BLOC1S3: variants seen among roughly 807,000 people sequenced by gnomAD.
BLOC1S3 encodes biogenesis of lysosomal organelles complex 1 subunit 3, also known as biogenesis of lysosome-related organelles complex 1 subunit 3.
Under a neutral mutation model 9.1 loss-of-function variants are expected in BLOC1S3, and 7 were observed. That is an observed-to-expected ratio of 0.77 (90% CI 0.44 to 1.45). The LOEUF is 1.45. BLOC1S3 is among the 40% of genes most tolerant of loss of function. The probability of loss-of-function intolerance (pLI) is 0.01; values close to 1 mark genes in which losing one functional copy is unlikely to be tolerated. For synonymous variants in BLOC1S3, 145 were observed against 158.4 expected (o/e 0.92, Z 0.64); for missense variants, 307 against 315.2 (o/e 0.97, Z 0.20).
chr19:45,196,930 T>C (rs1309644238), intron 2 of BLOC1S3, among the ~76,000 whole-genome samples: 2 of 146,202 alleles, frequency 1.4e-5, no homozygotes, highest in Non-Finnish European at 3.0e-5. Context: ...TAGGAAAGTG[T>C]CTGAGAGAGA....
chr19:45,201,706 C>T (rs542613146), intron 2 of BLOC1S3, among the ~76,000 whole-genome samples: 1 of 152,298 alleles, frequency 6.6e-6, no homozygotes, highest in East Asian at 1.9e-4. Flanking sequence ...GTCTTTCCTA[C>T]TTGATATGGT....
intron 3 of BLOC1S3, among the ~76,000 whole-genome samples, chr19:45,209,280 C>T (rs1268623572): frequency 6.6e-6 from 1 of 152,132 alleles, no homozygotes; most frequent in South Asian, 2.1e-4. Context: ...AACTCCTGAC[C>T]TCAAGTGATC....
chr19:45,190,613 G>C (rs1306697668), intron 2 of BLOC1S3, among the ~76,000 whole-genome samples: 1 of 151,068 alleles, frequency 6.6e-6, no homozygotes, highest in Non-Finnish European at 1.5e-5. Flanking sequence ...TGTTGCCCAG[G>C]CTGGTCTCGA....
At chr19:45,182,380 T>TA (rs1289931621), downstream of BLOC1S3, among the ~76,000 whole-genome samples, 4 of 149,326 alleles carry the variant, frequency 2.7e-5, no homozygotes, top group Admixed American at 2.7e-4. Flanking sequence ...GTCTCAAAAA[T>TA]AAATAGGCCA....
At chr19:45,214,966 G>A (rs1969817991) in intron 3 of BLOC1S3, among the ~76,000 whole-genome samples, 1 of 151,910 alleles carries the variant, frequency 6.6e-6, no homozygotes, top group Non-Finnish European at 1.5e-5. Context: ...GACCAGTGTG[G>A]TCAACTTGGT....
At chr19:45,190,763 T>C (rs1380466227) in intron 2 of BLOC1S3, among the ~76,000 whole-genome samples, 1 of 138,400 alleles carries the variant, frequency 7.2e-6, no homozygotes, top group Non-Finnish European at 1.6e-5. Context: ...CTATGATTGG[T>C]CACTGATGCT....
At chr19:45,192,238 C>T (rs570833120) in intron 2 of BLOC1S3, among the ~76,000 whole-genome samples, 2 of 152,278 alleles carry the variant, frequency 1.3e-5, no homozygotes, top group Non-Finnish European at 1.5e-5. Flanking sequence ...TGGCTACTGC[C>T]GGTGTTCATT....
At chr19:45,216,322 TC>T in intron 3 of BLOC1S3, 1 of 1,330,846 alleles carries the variant, frequency 7.5e-7, no homozygotes, top group Non-Finnish European at 1.0e-6. Context: ...AAGCCTGTAA[TC>T]CCAGCACTTT....
At chr19:45,209,807 C>T (rs1021647642) in intron 3 of BLOC1S3, among the ~76,000 whole-genome samples, 3 of 152,258 alleles carry the variant, frequency 2.0e-5, no homozygotes, top group Admixed American at 6.5e-5. Context: ...TCTTTGCTCA[C>T]CGCAACCTCT....
chr19:45,216,849 T>G (rs1969840588), exon 4 of BLOC1S3: 1 of 152,064 alleles, frequency 6.6e-6, no homozygotes, highest in Non-Finnish European at 1.5e-5. Context: ...AAGAAAACAT[T>G]CCAAGGACTC....
At chr19:45,195,795 A>G (rs542748623) in intron 2 of BLOC1S3, among the ~76,000 whole-genome samples, 1 of 152,066 alleles carries the variant, frequency 6.6e-6, no homozygotes, top group African/African-American at 2.4e-5. Flanking sequence ...AGGTTTCACC[A>G]TGTTGGCCAG....
At chr19:45,213,285 G>C (rs375095520) in intron 3 of BLOC1S3, 25 of 1,613,648 alleles carry the variant, frequency 1.5e-5, no homozygotes, top group Admixed American at 3.3e-5. Context: ...CCCGGGCCAC[G>C]GCCAGGATCT....
At chr19:45,198,352 T>C (rs895837000) in intron 2 of BLOC1S3, among the ~76,000 whole-genome samples, 3 of 152,162 alleles carry the variant, frequency 2.0e-5, no homozygotes, top group African/African-American at 4.8e-5. Context: ...AGTGCAGTGG[T>C]GCGAGCTCGG....
chr19:45,206,449 A>ATTTTTTTTTTTTTTTTT (rs1401665312), intron 3 of BLOC1S3, among the ~76,000 whole-genome samples: 20 of 48,588 alleles, frequency 4.1e-4, no homozygotes, highest in Non-Finnish European at 6.0e-4. Context: ...GGATTAATCA[A>ATTTTTTTTTTTTTTTTT]GTTTTTTTTT....
At chr19:45,185,940 C>T (rs564442756), downstream of BLOC1S3, among the ~76,000 whole-genome samples, 32 of 151,882 alleles carry the variant, frequency 2.1e-4, no homozygotes, top group South Asian at 5.8e-3. Context: ...GTGAAACCCC[C>T]GTCTCTACTG....
Position 45,213,086 on chromosome 19 carries a change from G to C in BLOC1S3, n.283-3590G>C, listed in dbSNP as rs1170265573. On this transcript the variant is annotated intron_variant and non_coding_transcript_variant, in intron 3 of 3. Coordinates refer to the BLOC1S3 transcript ENST00000591569. ...GGTGACCCTCAGCGCTGGGCCCGAG[G>C]TCGCGCTAGAGACGGAGGCCGGGGC... The C allele has an allele frequency of 3.3e-6, 5 of 1,510,270 alleles. No individual in the cohort carries two copies. The highest frequency in any genetic ancestry group is 4.4e-6 in the Non-Finnish European group (5 of 1,134,724). The allele number at this position is 1,510,270 out of a possible 1,614,324, so 93.6% of individuals were successfully genotyped here.
rs1004026868 is a variant in BLOC1S3 at position 45,209,657 on chromosome 19, G to A, written n.283-7019G>A. Among the ~76,000 whole-genome samples, 10 of 151,980 alleles carry A rather than the reference G, an allele frequency of 6.6e-5. 1 individual carries two copies. The highest frequency in any genetic ancestry group is 3.9e-4 in the East Asian group (2 of 5,136). On this transcript the variant is annotated intron_variant and non_coding_transcript_variant, in intron 3 of 3. Coordinates refer to the BLOC1S3 transcript ENST00000591569. ...AGGATGGTCTCGATCTCCTGATCTCGTGATCCGCCCGCCTCGGCCTCCCAA... is the reference window on the plus strand; with the variant it reads ...AGGATGGTCTCGATCTCCTGATCTCATGATCCGCCCGCCTCGGCCTCCCAA...
Position 45,179,788 on chromosome 19 carries a change from C to T in BLOC1S3, c.492C>T (p.Arg164=), listed in dbSNP as rs1214396570. The change falls in exon 2 of 2, where the codon CGC becomes CGT. Residue 164 remains arginine (R), a synonymous_variant. Coordinates refer to ENST00000433642, the MANE Select transcript of BLOC1S3 (RefSeq NM_212550.5). This position sits in a 1 kb window ranked among gnomAD's most constrained non-coding sequence, Gnocchi z 4.6. ...LAAAHSVRLA[R]GDLCALAERL... is the part of the protein sequence containing the mutation. ...CGGCCCACAGCGTGCGCCTGGCGCG[C>T]GGGGACCTTTGTGCGCTGGCCGAGC... 4.4e-6 allele frequency: 7 copies of T among 1,579,624 alleles called. No individual in the cohort carries two copies. Among genetic ancestry groups the T allele is most frequent in the Admixed American group, 1.8e-5 (1 of 56,720 alleles).
chr19:45,209,156 C>T, intron 3 of BLOC1S3, among the ~76,000 whole-genome samples: 1 of 151,806 alleles, frequency 6.6e-6, no homozygotes, highest in East Asian at 1.9e-4. Flanking sequence ...TCAAACCATT[C>T]TCCTGCCTCA....
Sources: gnomAD v4.1 joint callset for allele counts (sites outside exome capture counted in the v4.1 genomes callset) on GRCh38, gnomAD v4.1.1 for gene constraint, Gnocchi (gnomAD v3.1) non-coding constraint, MANE v1.5 for transcripts, NCBI Gene and HGNC (gene_info 2026-07-23, HGNC 2026-07-21) for gene names.